The following CUL9 variants were observed in gnomAD, a reference collection of about 807,000 sequenced individuals.
The protein encoded by CUL9 is cullin-9.
In CUL9, 79 loss-of-function variants were observed where a neutral mutation model predicts 272.6. The observed-to-expected ratio is 0.29, with a 90% CI of 0.24 to 0.35. The LOEUF is 0.35. Ranked by LOEUF, CUL9 falls within the 10% of genes least tolerant of loss-of-function variation. The pLI is 1.00. For missense variants in CUL9, 2,532 were observed against 3,255.6 expected (o/e 0.78, Z 5.41); for synonymous variants, 1,186 against 1,286.5 (o/e 0.92, Z 1.67).
At chr6:43,208,811 A>AT (rs1775240125) in intron 26 of CUL9, among the ~76,000 whole-genome samples, 1 of 152,064 alleles carries the variant, frequency 6.6e-6, no homozygotes, top group Non-Finnish European at 1.5e-5. Context: ...AACATTTGCC[A>AT]TTTTAACCAT....
At chr6:43,182,910 T>C (rs1380445778) in intron 1 of CUL9, among the ~76,000 whole-genome samples, 1 of 152,236 alleles carries the variant, frequency 6.6e-6, no homozygotes, top group Non-Finnish European at 1.5e-5. Context: ...TTAATAACTT[T>C]GCATTTATTT....
In CUL9 at chr6:43,188,528, G is replaced by A; in HGVS notation, c.1993G>A (p.Ala665Thr). Residue 665 changes from alanine (A) to threonine (T), a missense_variant, in exon 8 of 41, where the codon GCC becomes ACC. Around this residue, in one of 3 missense-constraint regions of CUL9, gnomAD observed 2,218 missense variants for 2,788.6 expected, o/e 0.80. Transcript: ENST00000252050. ...TEMKEAASEM[A>T]RALRGPGPRS... The stretch of plus-strand genomic sequence containing the variant: ...CCTTTTCCCACCAATTTCAGAAATG[G>A]CCAGAGCCTTGCGGGGTCCCGGTCC... 1.2e-6 allele frequency: 2 copies of A among 1,600,372 alleles called. No homozygotes were observed. The highest frequency in any genetic ancestry group is 1.7e-6 in the Non-Finnish European group (2 of 1,173,178).
In CUL9 at chr6:43,188,540, C is replaced by G; in HGVS notation, c.2005C>G (p.Arg669Gly). ...AATTTCAGAAATGGCCAGAGCCTTG[C>G]GGGGTCCCGGTCCTCGCAGCTCCCT... ...EAASEMARAL[R>G]GPGPRSSLDQ... Residue 669 changes from arginine (R) to glycine (G), a missense_variant, in exon 8 of 41, where the codon CGG becomes GGG. This residue lies in a region of CUL9 where 2,218 missense variants were observed against 2,788.6 expected (regional missense o/e 0.80). Transcript: ENST00000252050. 6.2e-7 allele frequency: 1 copy of G among 1,609,106 alleles called. No individual in the cohort carries two copies. Among genetic ancestry groups the G allele is most frequent in the African/African-American group, 1.3e-5 (1 of 74,864 alleles).
At position 43,196,060 on chromosome 6, in the gene CUL9, C is replaced by T. The variant is rs761673607; in HGVS notation, c.2389-9C>T. 4.4e-6 allele frequency: 7 copies of T among 1,607,044 alleles called. No homozygotes were observed. In the South Asian group the frequency reaches 5.5e-5, roughly 13 times the overall value. On this transcript the variant is annotated splice_polypyrimidine_tract_variant and intron_variant, in intron 9 of 40. Transcript: ENST00000252050. ...CCCTCCTCACTCTGCTTTCACATCC[C>T]CCTCACAGGCACTGAAGATGCTGGC...
At chr6:43,219,741 G>A (rs772187596) in intron 31 of CUL9, among the ~76,000 whole-genome samples, 3 of 152,190 alleles carry the variant, frequency 2.0e-5, no homozygotes, top group Non-Finnish European at 4.4e-5. Flanking sequence ...TCAGACGGCT[G>A]CAACGGCTGC....
At chr6:43,211,202 A>ATTGCTT (rs1775449795) in intron 26 of CUL9, among the ~76,000 whole-genome samples, 1 of 152,134 alleles carries the variant, frequency 6.6e-6, no homozygotes, top group Non-Finnish European at 1.5e-5. Flanking sequence ...CACCATGCCA[A>ATTGCTT]TTGCTTTAGT....
In CUL9 at chr6:43,199,392, A is replaced by G; in HGVS notation, c.3156+21A>G. On this transcript the variant is annotated intron_variant, in intron 13 of 40. Coordinates refer to ENST00000252050, the MANE Select transcript of CUL9 (RefSeq NM_015089.4). This position sits in a 1 kb window ranked among gnomAD's most constrained non-coding sequence, Gnocchi z 4.4. The stretch of plus-strand genomic sequence containing the variant: ...CCGAGGTACCAGAACCCTGGCAAGG[A>G]GAAGAGAGGGAAGGGCAGCATCTGG... 6.3e-7 allele frequency: 1 copy of G among 1,588,670 alleles called. No individual in the cohort carries two copies. The highest frequency in any genetic ancestry group is 8.6e-7 in the Non-Finnish European group (1 of 1,157,692).
At chr6:43,186,839 T>G in intron 4 of CUL9, 121 bp from the exon 5 acceptor site, 1 of 1,229,160 alleles carries the variant, frequency 8.1e-7, no homozygotes. Context: ...CTTAGCCAGG[T>G]GTGTATCTGA....
intron 8 of CUL9, among the ~76,000 whole-genome samples, chr6:43,191,252 T>TTGTGTGTGTG (rs58122260): frequency 0.03 from 3,790 of 126,874 alleles, 224 homozygotes; most frequent in African/African-American, 0.11. Context: ...CTAAATTGCA[T>TTGTGTGTGTG]TGTGTGTGTG....
At chr6:43,188,499 A>G in intron 7 of CUL9, 24 bp from the exon 8 acceptor site, 1 of 1,567,040 alleles carries the variant, frequency 6.4e-7, no homozygotes, top group Non-Finnish European at 8.6e-7. Flanking sequence ...TCTTTTAGCC[A>G]TTGCCTTTTC....
rs57804235 is a variant in CUL9 at position 43,206,965 on chromosome 6, C to T, written c.5212+455C>T. Among the ~76,000 whole-genome samples, 4,485 of 152,242 alleles carry T rather than the reference C, an allele frequency of 0.029. 234 individuals are homozygous for T. Among genetic ancestry groups the T allele is most frequent in the African/African-American group, 0.1 (4,203 of 41,490 alleles). On this transcript the variant is annotated intron_variant, in intron 26 of 40. Transcript: ENST00000252050. The surrounding 1 kb of genome is among the most constrained non-coding windows in gnomAD (Gnocchi z 4.8). ...GTTCAAGCGATTCTCCTGTCTCAGC[C>T]TCCCAAGTAGCTGGGACTACAGGCG...
At position 43,188,681 on chromosome 6, in the gene CUL9, G is replaced by C. The variant is rs1773146015; in HGVS notation, c.2146G>C (p.Asp716His). Residue 716 changes from aspartate to histidine, a missense_variant, in exon 8 of 41, where the codon GAC becomes CAC. By Grantham distance (81) the Asp-to-His change is moderately conservative. Coordinates refer to ENST00000252050, the MANE Select transcript of CUL9 (RefSeq NM_015089.4). ...GGCTGTGGAGGAGGTCACTGAGCGGGACCACCCTCTGGTCCGTCCTGACAG... is the reference window on the plus strand; with the variant it reads ...GGCTGTGGAGGAGGTCACTGAGCGGCACCACCCTCTGGTCCGTCCTGACAG... ...SQAVEEVTERDHPLVRPDRSL... is the reference protein window; with the variant it reads ...SQAVEEVTERHHPLVRPDRSL... 3 of 1,613,744 alleles carry C rather than the reference G, an allele frequency of 1.9e-6. No homozygotes were observed. The highest frequency in any genetic ancestry group is 1.3e-5 in the African/African-American group (1 of 74,910).
In CUL9 at chr6:43,186,992, G is replaced by A. The variant is rs748142887; in HGVS notation, c.1284G>A (p.Trp428Ter). Residue 428 changes from tryptophan (W) to a stop codon, truncating the protein, a stop_gained, in exon 5 of 41, where the codon TGG becomes TGA. Coordinates refer to ENST00000252050, the MANE Select transcript of CUL9 (RefSeq NM_015089.4). LOFTEE classifies it high-confidence loss of function. Reference sequence around the variant, plus strand: ...GGCAGTCGACAGGCCGCACTTACTGGGTGCACTGGCACATGCTGGAGATCC... The same window carrying A: ...GGCAGTCGACAGGCCGCACTTACTGAGTGCACTGGCACATGCTGGAGATCC... The part of the protein sequence containing the change: ...VFWQSTGRTY[W>*]VHWHMLEILG... The A allele has an allele frequency of 1.2e-6, 2 of 1,614,038 alleles. No homozygotes were observed. Among genetic ancestry groups the A allele is most frequent in the African/African-American group, 1.3e-5 (1 of 74,998 alleles).
intron 37 of CUL9, 44 bp downstream of exon 37, chr6:43,222,685 A>G: frequency 6.2e-7 from 1 of 1,606,200 alleles, no homozygotes; most frequent in Non-Finnish European, 8.5e-7. Context: ...GGTGTGCCAA[A>G]TGGGTCTGGG....
chr6:43,186,697 A>T (rs1168262589), intron 4 of CUL9, among the ~76,000 whole-genome samples: 2 of 152,076 alleles, frequency 1.3e-5, no homozygotes, highest in Non-Finnish European at 2.9e-5. Flanking sequence ...ATAAATGGAG[A>T]TACCTCCCCA....
chr6:43,216,367 T>C lies in CUL9; in HGVS notation c.6146T>C (p.Leu2049Pro). ...AGCTACAGTGAGGACCCTGAGCCAC[T>C]GCTGCTGGCAGCTGGGCTGTGCGTA... is the stretch of plus-strand genomic sequence containing the variant. ...LQSYSEDPEP[L>P]LLAAGLCVHQ... The change falls in exon 31 of 41, where the codon CTG becomes CCG. Residue 2049 changes from leucine (L) to proline (P), a missense_variant. Leu to Pro is a moderately conservative substitution (Grantham distance 98, BLOSUM62 -3). Transcript: ENST00000252050. 1.2e-6 allele frequency: 2 copies of C among 1,614,178 alleles called. No individual in the cohort carries two copies. The highest frequency in any genetic ancestry group is 1.7e-6 in the Non-Finnish European group (2 of 1,180,016).
At chr6:43,217,226 G>T (rs983764085) in intron 31 of CUL9, among the ~76,000 whole-genome samples, 2 of 152,082 alleles carry the variant, frequency 1.3e-5, no homozygotes, top group Non-Finnish European at 2.9e-5. Context: ...GCATGGTGGT[G>T]CACACCTATA....
At chr6:43,185,727 G>T (rs989025063) in intron 3 of CUL9, 117 bp downstream of exon 3, 1 of 1,270,546 alleles carries the variant, frequency 7.9e-7, no homozygotes, top group East Asian at 2.5e-5. Flanking sequence ...TAACATGAAG[G>T]TTCATGTCCT....
Position 43,198,871 on chromosome 6 carries a change from AG to A in CUL9, c.3050+18del, listed in dbSNP as rs754920379. 6.2e-7 allele frequency: 1 copy of A among 1,608,022 alleles called. No individual in the cohort carries two copies. Among genetic ancestry groups the A allele is most frequent in the Admixed American group, 1.7e-5 (1 of 59,880 alleles). The stretch of plus-strand genomic sequence containing the variant: ...CTGTGCTGAGGTGAGGGGCCTGTTG[AG>A]GCACCATGCATTGGGACGAGGGAAA... On this transcript the variant is annotated intron_variant, in intron 12 of 40. Coordinates refer to ENST00000252050, the MANE Select transcript of CUL9 (RefSeq NM_015089.4).
Sources: gnomAD v4.1 joint callset for allele counts (sites outside exome capture counted in the v4.1 genomes callset) on GRCh38, gnomAD v4.1.1 for gene constraint, gnomAD v4.1.1 regional missense constraint, Gnocchi (gnomAD v3.1) non-coding constraint, MANE v1.5 for transcripts, NCBI Gene and HGNC (gene_info 2026-07-23, HGNC 2026-07-21) for gene names.